The following SHANK2 variants were observed in gnomAD, a reference collection of about 807,000 sequenced individuals.
The protein encoded by SHANK2 is SH3 and multiple ankyrin repeat domains 2.
A neutral mutation model predicts 133.7 loss-of-function variants in SHANK2; 43 were observed. The observed-to-expected ratio is 0.32, with a 90% CI of 0.25 to 0.41. The LOEUF is 0.41. SHANK2 is among the 10% of genes least tolerant of loss of function. The probability of loss-of-function intolerance (pLI) is 1.00; values close to 1 mark genes in which losing one functional copy is unlikely to be tolerated. For synonymous variants in SHANK2, 1,017 were observed against 952.8 expected (o/e 1.07, Z -1.24); for missense variants, 1,994 against 2,235.8 (o/e 0.89, Z 2.18).
At position 70,471,781 on chromosome 11, in the gene SHANK2, G is replaced by A. The variant is rs2058600685; in HGVS notation, c.*1088C>T. 1 of 176,208 alleles carries A rather than the reference G, an allele frequency of 5.7e-6. No individual in the cohort carries two copies. Among genetic ancestry groups the A allele is most frequent in the South Asian group, 2.0e-4 (1 of 5,016 alleles). 10.9% of individuals were successfully genotyped at this position (176,208 alleles called of 1,614,324 possible). A position where few individuals can be genotyped will look rare whatever the true frequency, so the allele number is the denominator to read the frequency against. ...CAGCAGAGATGCTCACCCTTGGCTG[G>A]GCACAGAACTGAGGATGCTGTGCCC... On this transcript the variant is annotated 3_prime_UTR_variant, in exon 26 of 26. Transcript: ENST00000601538. This position sits in a 1 kb window ranked among gnomAD's most constrained non-coding sequence, Gnocchi z 4.1.
chr11:70,818,355 G>A (rs982533127), intron 12 of SHANK2, among the ~76,000 whole-genome samples: 7 of 152,152 alleles, frequency 4.6e-5, no homozygotes, highest in East Asian at 1.9e-4. Flanking sequence ...TCTGTCCCCC[G>A]TTCCTCACAC....
intron 14 of SHANK2, among the ~76,000 whole-genome samples, chr11:70,797,038 T>C (rs1295392855): frequency 6.6e-6 from 1 of 152,206 alleles, no homozygotes; most frequent in Non-Finnish European, 1.5e-5. Context: ...CTTGATTTAA[T>C]GCCCAATCCC....
At chr11:70,613,352 C>G (rs1194883619) in intron 17 of SHANK2, among the ~76,000 whole-genome samples, 1 of 152,024 alleles carries the variant, frequency 6.6e-6, no homozygotes, top group Non-Finnish European at 1.5e-5. Context: ...TACAGGCGCC[C>G]GTTGCCATGT....
chr11:71,135,900 TGCCCAAGAG>T (rs1427898054), intron 3 of SHANK2, among the ~76,000 whole-genome samples: 36 of 152,136 alleles, frequency 2.4e-4, no homozygotes, highest in South Asian at 2.1e-3. Flanking sequence ...CTGTTCTGGT[TGCCCAAGAG>T]GAAGATGACA....
At chr11:71,060,230 G>A (rs1950971766) in intron 9 of SHANK2, among the ~76,000 whole-genome samples, 1 of 152,224 alleles carries the variant, frequency 6.6e-6, no homozygotes, top group Non-Finnish European at 1.5e-5. Context: ...GATGTTGTGA[G>A]GCATCCTGCA....
intron 2 of SHANK2, among the ~76,000 whole-genome samples, chr11:71,167,428 C>T (rs1953180453): frequency 7.1e-6 from 1 of 139,908 alleles, no homozygotes; most frequent in Non-Finnish European, 1.6e-5. Flanking sequence ...CCCCCCCCAC[C>T]TCCCTCCCAG....
At chr11:70,515,107 C>T (rs1429993754) in intron 17 of SHANK2, among the ~76,000 whole-genome samples, 2 of 152,258 alleles carry the variant, frequency 1.3e-5, no homozygotes, top group East Asian at 1.9e-4. Flanking sequence ...GTGGTGTGAT[C>T]GTGACTCACT....
intron 22 of SHANK2, 103 bp from the exon 23 acceptor site, chr11:70,490,490 C>T: frequency 1.0e-6 from 1 of 979,760 alleles, no homozygotes; most frequent in Non-Finnish European, 1.6e-6. Context: ...TGTGGCTTCC[C>T]CAAGCTGCTT....
rs1272920694 is a variant in SHANK2, at chr11:71,188,345, G to A, written c.-13+36352C>T. ...ACGCCTGAGAAGGTCAGCCCCAAAC[G>A]CCCTCAGCAGCCCATGCCCAGGCCT... On this transcript the variant is annotated intron_variant, in intron 2 of 25. Coordinates refer to ENST00000601538, the MANE Select transcript of SHANK2 (RefSeq NM_012309.5). The surrounding 1 kb of genome is among the most constrained non-coding windows in gnomAD (Gnocchi z 4.6). 6.6e-6 allele frequency among the ~76,000 whole-genome samples: 1 copy of A among 151,928 alleles called. No homozygotes were observed. The highest frequency in any genetic ancestry group is 2.4e-5 in the African/African-American group (1 of 41,362).
chr11:70,782,143 C>A (rs893273380), intron 14 of SHANK2, among the ~76,000 whole-genome samples: 7 of 152,126 alleles, frequency 4.6e-5, no homozygotes, highest in African/African-American at 1.7e-4. Context: ...CGGCTCACTG[C>A]AACCTCTGCC....
chr11:70,524,429 C>T (rs1010746725), intron 17 of SHANK2, among the ~76,000 whole-genome samples: 7 of 152,192 alleles, frequency 4.6e-5, no homozygotes, highest in African/African-American at 1.7e-4. Flanking sequence ...CTATCTTTAC[C>T]GGAGCAAATC....
intron 14 of SHANK2, among the ~76,000 whole-genome samples, chr11:70,708,914 A>G (rs1945722054): frequency 6.6e-6 from 1 of 152,178 alleles, no homozygotes; most frequent in African/African-American, 2.4e-5. Context: ...GGCAGGTTTT[A>G]AAATACACAA....
intron 15 of SHANK2, among the ~76,000 whole-genome samples, chr11:70,669,796 A>G (rs1944760420): frequency 6.6e-6 from 1 of 152,258 alleles, no homozygotes; most frequent in African/African-American, 2.4e-5. Flanking sequence ...CATTGCGTGT[A>G]GAACCACTCG....
At chr11:70,534,980 A>G (rs564773682) in intron 17 of SHANK2, among the ~76,000 whole-genome samples, 3 of 152,208 alleles carry the variant, frequency 2.0e-5, no homozygotes, top group African/African-American at 7.2e-5. Context: ...CTGGGGAAAC[A>G]CTGACAAAGG....
intron 2 of SHANK2, among the ~76,000 whole-genome samples, chr11:71,181,823 C>A (rs576946900): frequency 6.6e-6 from 1 of 152,110 alleles, no homozygotes; most frequent in South Asian, 2.1e-4. Flanking sequence ...GGTTCCCAGC[C>A]CCCCCTCCCC....
chr11:70,874,043 T>A (rs1949514474), intron 11 of SHANK2, among the ~76,000 whole-genome samples: 1 of 152,168 alleles, frequency 6.6e-6, no homozygotes, highest in Admixed American at 6.5e-5. Flanking sequence ...AATTCCTCCA[T>A]CTAGCCATCT....
chr11:71,191,943 C>T (rs1387661799), intron 2 of SHANK2, among the ~76,000 whole-genome samples: 1 of 152,148 alleles, frequency 6.6e-6, no homozygotes. Flanking sequence ...TCACTGTAAC[C>T]TCCGCCTCCT....
At chr11:70,652,805 GTC>G (rs2061352112) in intron 17 of SHANK2, among the ~76,000 whole-genome samples, 1 of 152,140 alleles carries the variant, frequency 6.6e-6, no homozygotes, top group South Asian at 2.1e-4. Context: ...GCAAGATCCT[GTC>G]TCTAAAAAAG....
At chr11:70,499,114 T>C (rs782269811) in intron 21 of SHANK2, among the ~76,000 whole-genome samples, 3 of 152,212 alleles carry the variant, frequency 2.0e-5, no homozygotes, top group Non-Finnish European at 4.4e-5. Flanking sequence ...GCCTGGAGCA[T>C]TTGCCGTGCA....
Sources: allele counts gnomAD v4.1 joint callset (sites outside exome capture counted in the v4.1 genomes callset), GRCh38; gene constraint gnomAD v4.1.1; non-coding constraint Gnocchi (gnomAD v3.1); transcripts MANE v1.5; gene names NCBI Gene and HGNC (gene_info 2026-07-23, HGNC 2026-07-21).